The following ENTPD1 variants were observed in gnomAD, a reference collection of about 807,000 sequenced individuals.
ENTPD1 encodes the protein ATP diphosphohydrolase.
A neutral mutation model predicts 57.0 loss-of-function variants in ENTPD1; 33 were observed. The observed-to-expected ratio is 0.58, with a 90% confidence interval of 0.44 to 0.77. The LOEUF (loss-of-function observed/expected upper bound fraction) is 0.77. Ranked by LOEUF, ENTPD1 falls within the 30% of genes least tolerant of loss-of-function variation. The pLI, the probability that ENTPD1 is intolerant of heterozygous loss-of-function variation, is 0.00. For missense variants in ENTPD1, 501 were observed against 603.4 expected, an observed-to-expected ratio of 0.83 and a Z score of 1.78; for synonymous variants, 202 against 218.8, an observed-to-expected ratio of 0.92 and a Z score of 0.68.
At chr10:95,717,544 C>G (rs2097972900) in intron 1 of ENTPD1, among the ~76,000 whole-genome samples, 1 of 152,124 alleles carries the variant, frequency 6.6e-6, no homozygotes, top group Non-Finnish European at 1.5e-5. Context: ...AATTTGTATT[C>G]TAGCGAGCCC....
At position 95,846,007 on chromosome 10, in the gene ENTPD1, GAAA is replaced by G. The variant is rs61643094; in HGVS notation, c.813+422_813+424del. On this transcript the variant is annotated intron_variant, in intron 6 of 9. Transcript: ENST00000371205. ...TTAGAAATGACCTGGAGAGGAGAAG[GAAA>G]AAAAAAAAAACACTTCAGGAGAAAC... 2.6e-3 allele frequency: 411 copies of G among 155,666 alleles called. 1 individual carries two copies. The highest frequency in any genetic ancestry group is 4.5e-3 in the Non-Finnish European group (332 of 73,024). 9.6% of individuals were successfully genotyped at this position (155,666 alleles called of 1,614,324 possible).
chr10:95,760,066 G>A (rs1263347753), intron 1 of ENTPD1, among the ~76,000 whole-genome samples: 1 of 152,170 alleles, frequency 6.6e-6, no homozygotes, highest in Non-Finnish European at 1.5e-5. Context: ...GAGGCAGGAG[G>A]ATAGCTTGGG....
chr10:95,832,650 C>G (rs2098399959), intron 2 of ENTPD1, among the ~76,000 whole-genome samples: 1 of 152,182 alleles, frequency 6.6e-6, no homozygotes, highest in African/African-American at 2.4e-5. Context: ...AAACAACTAG[C>G]CTTCATTAAA....
chr10:95,835,783 A>T (rs867039321), intron 2 of ENTPD1, among the ~76,000 whole-genome samples: 26 of 125,194 alleles, frequency 2.1e-4, no homozygotes, highest in African/African-American at 7.5e-4. Flanking sequence ...TTGTGTGTTT[A>T]CTCTGTCACT....
chr10:95,846,584 G>A (rs2098436089), intron 6 of ENTPD1, among the ~76,000 whole-genome samples: 1 of 152,070 alleles, frequency 6.6e-6, no homozygotes, highest in Non-Finnish European at 1.5e-5. Context: ...CCAATAAGAT[G>A]GTCCTGGGAG....
rs181656294 is a variant in ENTPD1, at chr10:95,719,007, G to T, written c.37+7014G>T. On this transcript the variant is annotated intron_variant, in intron 1 of 9. Coordinates refer to the ENTPD1 transcript ENST00000453258. ...GAGCCTGTTATTTAAGCAAATGGTT[G>T]CCTGACAGCCACAAGTCTCCTTTAG... Among the ~76,000 whole-genome samples the T allele has an allele frequency of 5.0e-3, 760 of 152,284 alleles. 2 individuals are homozygous for T. The highest frequency in any genetic ancestry group is 0.016 in the African/African-American group (683 of 41,572).
intron 9 of ENTPD1, 81 bp from the exon 10 acceptor site, chr10:95,866,096 C>T: frequency 6.6e-7 from 1 of 1,525,216 alleles, no homozygotes; most frequent in Non-Finnish European, 8.9e-7. Context: ...TCTTCCAATG[C>T]ATGATCCAAT....
chr10:95,800,482 A>G (rs1238541114), intron 1 of ENTPD1, among the ~76,000 whole-genome samples: 1 of 152,176 alleles, frequency 6.6e-6, no homozygotes, highest in African/African-American at 2.4e-5. Context: ...TTGAGAGCAG[A>G]CAACCAGTAT....
chr10:95,773,880 C>T (rs2098124248), intron 1 of ENTPD1, among the ~76,000 whole-genome samples: 1 of 152,164 alleles, frequency 6.6e-6, no homozygotes, highest in Non-Finnish European at 1.5e-5. Flanking sequence ...AATGGTATTT[C>T]TAGTTCTAGG....
At chr10:95,764,036 C>T (rs548930168) in intron 1 of ENTPD1, among the ~76,000 whole-genome samples, 5 of 152,152 alleles carry the variant, frequency 3.3e-5, no homozygotes, top group South Asian at 4.1e-4. Flanking sequence ...AACTTAAAGT[C>T]GACAATTCAG....
chr10:95,867,399 T>A lies in ENTPD1; in HGVS notation c.*1016T>A, dbSNP rs2098475652. 1.0e-6 allele frequency: 1 copy of A among 985,338 alleles called. No individual in the cohort carries two copies. Among genetic ancestry groups the A allele is most frequent in the Non-Finnish European group, 1.2e-6 (1 of 829,936 alleles). The allele number at this position is 985,338 out of a possible 1,614,324, so 61.0% of individuals were successfully genotyped here. On this transcript the variant is annotated 3_prime_UTR_variant, in exon 10 of 10. Coordinates refer to ENST00000371205, the MANE Select transcript of ENTPD1 (RefSeq NM_001776.6). ...GGGTAGGCAGAAACCATAGATCTTT[T>A]GTGTTTACAGCTATGGAAACCAACT...
intron 1 of ENTPD1, among the ~76,000 whole-genome samples, chr10:95,794,430 T>TA (rs2098218108): frequency 6.6e-6 from 1 of 152,158 alleles, no homozygotes; most frequent in African/African-American, 2.4e-5. Context: ...CTTGCCCTCC[T>TA]ACCCAGTGAT....
intron 2 of ENTPD1, among the ~76,000 whole-genome samples, chr10:95,831,003 G>A (rs982688320): frequency 2.0e-5 from 3 of 152,162 alleles, no homozygotes; most frequent in African/African-American, 7.2e-5. Context: ...CATGGTCTAG[G>A]CAAGGCAGGC....
intron 1 of ENTPD1, among the ~76,000 whole-genome samples, chr10:95,743,997 C>A (rs1432885041): frequency 1.2e-5 from 1 of 80,998 alleles, no homozygotes; most frequent in Non-Finnish European, 2.6e-5. Flanking sequence ...TATTTTAAAC[C>A]ATATATATAT....
In ENTPD1 at chr10:95,867,839, A is replaced by G. The variant is rs1196823334; in HGVS notation, c.*1456A>G. 3.5e-5 allele frequency: 34 copies of G among 985,344 alleles called. No homozygotes were observed. The highest frequency in any genetic ancestry group is 6.1e-5 in the Admixed American group (1 of 16,268). 61.0% of individuals were successfully genotyped at this position (985,344 alleles called of 1,614,324 possible). The stretch of plus-strand genomic sequence containing the variant: ...ACAAACCGGAAGCCAAATGTCCCCT[A>G]TCTCTTGAATGATCAAGTCACTTTT... On this transcript the variant is annotated 3_prime_UTR_variant, in exon 10 of 10. Coordinates refer to ENST00000371205, the MANE Select transcript of ENTPD1 (RefSeq NM_001776.6).
At chr10:95,847,852 T>A in intron 7 of ENTPD1, 146 bp downstream of exon 7, 2 of 1,170,080 alleles carry the variant, frequency 1.7e-6, no homozygotes, top group Non-Finnish European at 2.5e-6. Context: ...TCAGCTCAAC[T>A]ATGTCAGAAC....
chr10:95,854,165 G>T (rs1224559387), intron 7 of ENTPD1, among the ~76,000 whole-genome samples: 2 of 152,164 alleles, frequency 1.3e-5, no homozygotes, highest in African/African-American at 2.4e-5. Flanking sequence ...TCTTGGGAGG[G>T]TGTGTGTGTC....
upstream of ENTPD1, among the ~76,000 whole-genome samples, chr10:95,707,694 TC>T (rs2097963085): frequency 6.6e-6 from 1 of 152,214 alleles, no homozygotes; most frequent in Non-Finnish European, 1.5e-5. Flanking sequence ...AACCTCCACT[TC>T]CTGCCTTCAA....
At position 95,760,931 on chromosome 10, in the gene ENTPD1, G is replaced by A. The variant is rs886192169; in HGVS notation, c.16+4676G>A. 2.6e-4 allele frequency among the ~76,000 whole-genome samples: 36 copies of A among 139,552 alleles called. 1 individual carries two copies. The highest frequency in any genetic ancestry group is 1.6e-3 in the Admixed American group (21 of 12,750). 91.6% of individuals were successfully genotyped at this position (139,552 alleles called of 152,430 possible). A position where few individuals can be genotyped will look rare whatever the true frequency, so the allele number is the denominator to read the frequency against. ...TGCAAGCTCCGCCTCCCAGGTTCAC[G>A]CCATTCTCCTGCCTCAGCCTCCCGA... On this transcript the variant is annotated intron_variant, in intron 1 of 9. Coordinates refer to ENST00000371205, the MANE Select transcript of ENTPD1 (RefSeq NM_001776.6).
Sources: allele counts gnomAD v4.1 joint callset (sites outside exome capture counted in the v4.1 genomes callset), GRCh38; gene constraint gnomAD v4.1.1; transcripts MANE v1.5; gene names NCBI Gene and HGNC (gene_info 2026-07-23, HGNC 2026-07-21).